Variants in IGLL5 observed in about 807,000 individuals in gnomAD.
IGLL5 encodes the protein immunoglobulin lambda-like polypeptide 5.
A neutral mutation model predicts 20.9 loss-of-function variants in IGLL5; 30 were observed. The ratio of observed to expected loss-of-function variants is 1.44; its 90% confidence interval spans 1.07 to 1.95. The LOEUF (loss-of-function observed/expected upper bound fraction) is 1.95, where lower values mean the gene tolerates loss of function less well. IGLL5 is among the 30% of genes most tolerant of loss of function. The pLI, the probability that IGLL5 is intolerant of heterozygous loss-of-function variation, is 0.00. For synonymous variants in IGLL5, 203 were observed against 117.3 expected (o/e 1.73, Z -4.72); for missense variants, 475 against 270.7 (o/e 1.75, Z -5.30).
At chr22:22,888,352 A>AAGG in intron 1 of IGLL5, 93 bp downstream of exon 1, 1 of 1,203,786 alleles carries the variant, frequency 8.3e-7, no homozygotes, top group African/African-American at 1.5e-5. Context: ...AGTGAGGAGG[A>AAGG]AGGTTAACCC....
In IGLL5 at chr22:22,888,091, C is replaced by T. The variant is rs754311423; in HGVS notation, c.38C>T (p.Pro13Leu). The part of the protein sequence containing the change: ...PKTGQVGCET[P>L]EELGPGPRQR... The stretch of plus-strand genomic sequence containing the variant: ...ACAGGCCAAGTGGGTTGTGAGACCC[C>T]TGAGGAGCTGGGCCCTGGTCCCAGG... Residue 13 changes from proline (P) to leucine (L), a missense_variant, in exon 1 of 3, where the codon CCT (proline) becomes CTT (leucine). Transcript: ENST00000526893. The T allele has an allele frequency of 3.2e-6, 5 of 1,549,362 alleles. No individual in the cohort carries two copies. The highest frequency in any genetic ancestry group is 1.4e-5 in the African/African-American group (1 of 72,932).
At chr22:22,888,537 T>G (rs115786352) in intron 1 of IGLL5, among the ~76,000 whole-genome samples, 9 of 151,354 alleles carry the variant, frequency 5.9e-5, no homozygotes, top group South Asian at 2.1e-4. Flanking sequence ...CACCTAGTCC[T>G]AGTCCTCTGG....
chr22:22,888,490 G>A (rs1261938113), intron 1 of IGLL5, among the ~76,000 whole-genome samples: 1 of 151,282 alleles, frequency 6.6e-6, no homozygotes, highest in East Asian at 2.0e-4. Context: ...GAGTTTTCTG[G>A]CGCCACTTAA....
intron 2 of IGLL5, among the ~76,000 whole-genome samples, chr22:22,895,021 G>A (rs969334491): frequency 6.6e-6 from 1 of 151,376 alleles, no homozygotes; most frequent in African/African-American, 2.4e-5. Context: ...GGGGGGTATA[G>A]GGATGGAAAT....
chr22:22,893,616 C>A (rs1296945902), intron 1 of IGLL5, 84 bp from the exon 2 acceptor site: 1 of 774,358 alleles, frequency 1.3e-6, no homozygotes, highest in Non-Finnish European at 2.2e-6. Flanking sequence ...CACAGGGACA[C>A]CTCTAGGGGG....
intron 1 of IGLL5, 50 bp downstream of exon 1, chr22:22,888,309 G>A (rs190447277): frequency 6.6e-6 from 10 of 1,523,162 alleles, no homozygotes; most frequent in East Asian, 4.9e-5. Context: ...AGCAGAGCTG[G>A]GAAAGGGTGA....
At chr22:22,888,419 A>G (rs543924942) in intron 1 of IGLL5, among the ~76,000 whole-genome samples, 160 bp downstream of exon 1, 4 of 151,494 alleles carry the variant, frequency 2.6e-5, no homozygotes, top group Non-Finnish European at 4.4e-5. Context: ...TTTGTCCATC[A>G]CAGATTTGTT....
rs1601597579 is a variant in IGLL5, at chr22:22,888,068, A to T, written c.15A>T (p.Thr5=). 1 of 1,549,236 alleles carries T rather than the reference A, an allele frequency of 6.5e-7. No homozygotes were observed. The highest frequency in any genetic ancestry group is 8.7e-7 in the Non-Finnish European group (1 of 1,146,516). MRPK[T]GQVGCETPEE... ...CCTGAAGGCCAATGAGACCCAAGAC[A>T]GGCCAAGTGGGTTGTGAGACCCCTG... Residue 5 remains threonine (T), a synonymous_variant, in exon 1 of 3, where the codon ACA becomes ACT. Coordinates refer to ENST00000526893, the MANE Select transcript of IGLL5 (RefSeq NM_001178126.2).
intron 2 of IGLL5, among the ~76,000 whole-genome samples, chr22:22,894,046 A>ATC: frequency 6.6e-6 from 1 of 150,932 alleles, no homozygotes; most frequent in African/African-American, 2.4e-5. Flanking sequence ...CTGAGCTGGG[A>ATC]TTGGGCAGGG....
intron 1 of IGLL5, among the ~76,000 whole-genome samples, chr22:22,889,701 C>T (rs1452197346): frequency 1.3e-5 from 2 of 151,390 alleles, no homozygotes; most frequent in African/African-American, 2.4e-5. Flanking sequence ...GATCCTCCAG[C>T]CTCAGCCTCC....
rs2066756967 is a variant in IGLL5, at chr22:22,895,881, C to T, written c.*187C>T. On this transcript the variant is annotated 3_prime_UTR_variant, in exon 3 of 3. Transcript: ENST00000526893. Reference sequence around the variant, plus strand: ...TTCTCACATAAATTGCTAGCCTCCCCGGGGTTCTCAGTGTGGGGTACAGGG... The same window carrying T: ...TTCTCACATAAATTGCTAGCCTCCCTGGGGTTCTCAGTGTGGGGTACAGGG... The T allele has an allele frequency of 1.6e-5, 11 of 672,254 alleles. No individual in the cohort carries two copies. Among genetic ancestry groups the T allele is most frequent in the East Asian group, 1.4e-4 (5 of 36,676 alleles). 41.6% of individuals were successfully genotyped at this position (672,254 alleles called of 1,614,324 possible). A position where few individuals can be genotyped will look rare whatever the true frequency, so the allele number is the denominator to read the frequency against.
chr22:22,888,370 G>C, intron 1 of IGLL5, 111 bp downstream of exon 1: 1 of 948,992 alleles, frequency 1.1e-6, no homozygotes, highest in Non-Finnish European at 1.6e-6. Context: ...CCCCTAAGAG[G>C]GGCCTGGGCT....
In IGLL5 at chr22:22,895,986, T is replaced by A; in HGVS notation, c.*292T>A. On this transcript the variant is annotated 3_prime_UTR_variant, in exon 3 of 3. Transcript: ENST00000526893. Reference sequence around the variant, plus strand: ...AGTCATCTCCCCAGAGGGTCCTTCCTCTCCCAGTCACCCCTTCTCCAACTC... The same window carrying A: ...AGTCATCTCCCCAGAGGGTCCTTCCACTCCCAGTCACCCCTTCTCCAACTC... 1 of 550,796 alleles carries A rather than the reference T, an allele frequency of 1.8e-6. No individual in the cohort carries two copies. The highest frequency in any genetic ancestry group is 3.1e-5 in the Admixed American group (1 of 31,984). The allele number at this position is 550,796 out of a possible 1,614,324, so 34.1% of individuals were successfully genotyped here. A position where few individuals can be genotyped will look rare whatever the true frequency, so the allele number is the denominator to read the frequency against.
At position 22,895,768 on chromosome 22, in the gene IGLL5, C is replaced by A; in HGVS notation, c.*74C>A. On this transcript the variant is annotated 3_prime_UTR_variant, in exon 3 of 3. Coordinates refer to ENST00000526893, the MANE Select transcript of IGLL5 (RefSeq NM_001178126.2). Reference sequence around the variant, plus strand: ...AGGGGAGGGGTCTCTCTCCCCATCCCAAGTCATCCAGCCCTTCTCCCTGCA... The same window carrying A: ...AGGGGAGGGGTCTCTCTCCCCATCCAAAGTCATCCAGCCCTTCTCCCTGCA... 1.5e-6 allele frequency: 2 copies of A among 1,367,296 alleles called. No homozygotes were observed. Among genetic ancestry groups the A allele is most frequent in the Non-Finnish European group, 2.1e-6 (2 of 956,812 alleles). The allele number at this position is 1,367,296 out of a possible 1,614,324, so 84.7% of individuals were successfully genotyped here.
chr22:22,887,968 C>T lies in IGLL5; in HGVS notation c.-86C>T, dbSNP rs1401046035. The T allele has an allele frequency of 9.3e-7, 1 of 1,073,138 alleles. No homozygotes were observed. The highest frequency in any genetic ancestry group is 1.4e-6 in the Non-Finnish European group (1 of 713,066). The allele number at this position is 1,073,138 out of a possible 1,614,324, so 66.5% of individuals were successfully genotyped here. ...ATGGACTGGGGTGTACTGTAACAGCCCTGCTGGCGAGAGGGACCAGGGCAC... is the reference window on the plus strand; with the variant it reads ...ATGGACTGGGGTGTACTGTAACAGCTCTGCTGGCGAGAGGGACCAGGGCAC... On this transcript the variant is annotated 5_prime_UTR_variant, in exon 1 of 3. Transcript: ENST00000526893.
chr22:22,890,704 CA>C (rs919966914), intron 1 of IGLL5, among the ~76,000 whole-genome samples: 6 of 150,184 alleles, frequency 4.0e-5, no homozygotes, highest in African/African-American at 1.2e-4. Flanking sequence ...GTAGTGTTTC[CA>C]AAAGTCTGTG....
rs138367127 is a variant in IGLL5 at position 22,894,200 on chromosome 22, C to G, written c.325+382C>G. Among the ~76,000 whole-genome samples the G allele has an allele frequency of 1.6e-4, 24 of 151,104 alleles. 1 individual carries two copies. Among genetic ancestry groups the G allele is most frequent in the East Asian group, 6.1e-4 (3 of 4,922 alleles). ...GAGGCTGCTGGGGTGGGCCTGGGAG[C>G]TGCTGAGTCTCATAGTCTAGGGGAG... On this transcript the variant is annotated intron_variant, in intron 2 of 2. Coordinates refer to ENST00000526893, the MANE Select transcript of IGLL5 (RefSeq NM_001178126.2).
chr22:22,893,937 C>CG (rs2067952491), intron 2 of IGLL5, 119 bp downstream of exon 2: 1 of 772,846 alleles, frequency 1.3e-6, no homozygotes, highest in Admixed American at 1.9e-5. Context: ...TGACCCTTAC[C>CG]TTTCTCCATG....
At chr22:22,895,030 A>G (rs2066718046) in intron 2 of IGLL5, among the ~76,000 whole-genome samples, 1 of 151,382 alleles carries the variant, frequency 6.6e-6, no homozygotes, top group East Asian at 2.0e-4. Flanking sequence ...AGGGATGGAA[A>G]TGAGGGATCC....
Sources: gnomAD v4.1 joint callset for allele counts (sites outside exome capture counted in the v4.1 genomes callset) on GRCh38, gnomAD v4.1.1 for gene constraint, MANE v1.5 for transcripts, NCBI Gene and HGNC (gene_info 2026-07-23, HGNC 2026-07-21) for gene names.